Variants in PDE1C observed in about 807,000 individuals in gnomAD.
PDE1C encodes the protein phosphodiesterase 1C, also known as dual specificity calcium/calmodulin-dependent 3',5'-cyclic nucleotide phosphodiesterase 1C.
A neutral mutation model predicts 93.1 loss-of-function variants in PDE1C; 62 were observed. The observed-to-expected ratio is 0.67, with a 90% CI of 0.54 to 0.82. The LOEUF (loss-of-function observed/expected upper bound fraction) is 0.82, where lower values mean the gene tolerates loss of function less well. Ranked by LOEUF, PDE1C falls within the 40% of genes least tolerant of loss-of-function variation. The probability of loss-of-function intolerance (pLI) is 0.00; values close to 1 mark genes in which losing one functional copy is unlikely to be tolerated. For missense variants in PDE1C, 742 were observed against 884.6 expected, an observed-to-expected ratio of 0.84 and a Z score of 2.04; for synonymous variants, 325 against 310.1, an observed-to-expected ratio of 1.05 and a Z score of -0.50.
intron 2 of PDE1C, among the ~76,000 whole-genome samples, chr7:32,204,371 C>G (rs1228733880): frequency 2.6e-5 from 4 of 152,196 alleles, no homozygotes; most frequent in African/African-American, 9.7e-5. Context: ...TTCTTGTCCA[C>G]GATTGCTCAT....
Position 31,816,160 on chromosome 7 carries a change from T to C in PDE1C, c.1583-6A>G, listed in dbSNP as rs762287994. 2.0e-5 allele frequency: 32 copies of C among 1,610,970 alleles called. No individual in the cohort carries two copies. The South Asian group carries it at 2.5e-4, about 13-fold the overall frequency. ...TTCCTTCTTGGCCTTCTCCTCTGCA[T>C]CCATGGCAAGTTGGGAAAGCCACAG... On this transcript the variant is annotated splice_region_variant and splice_polypyrimidine_tract_variant and intron_variant, in intron 14 of 17. Coordinates refer to ENST00000396191, the MANE Select transcript of PDE1C (RefSeq NM_001191057.4).
At chr7:31,862,826 A>G (rs532907258) in intron 7 of PDE1C, among the ~76,000 whole-genome samples, 1 of 152,316 alleles carries the variant, frequency 6.6e-6, no homozygotes, top group African/African-American at 2.4e-5. Flanking sequence ...TTGAAACTCT[A>G]ATCAATTCTA....
chr7:31,971,551 G>A lies in PDE1C; in HGVS notation c.128+80003C>T, dbSNP rs749948237. ...AACAGATGACAGCCCTCACTATTAC[G>A]GCCTACACTGATTCTTCAGTCTGCA... On this transcript the variant is annotated intron_variant, in intron 2 of 17. Coordinates refer to ENST00000396191, the MANE Select transcript of PDE1C (RefSeq NM_001191057.4). Among the ~76,000 whole-genome samples the A allele has an allele frequency of 1.6e-4, 25 of 151,892 alleles. 1 individual carries two copies. Among genetic ancestry groups the A allele is most frequent in the Non-Finnish European group, 1.9e-4 (13 of 67,972 alleles).
chr7:31,919,785 G>C (rs1334740043), intron 2 of PDE1C, among the ~76,000 whole-genome samples: 1 of 152,198 alleles, frequency 6.6e-6, no homozygotes, highest in Non-Finnish European at 1.5e-5. Context: ...CCACCTGTTA[G>C]AGGCTGGCCC....
At chr7:31,625,784 A>T in the PDE1C span, among the ~76,000 whole-genome samples, 1 of 152,008 alleles carries the variant, frequency 6.6e-6, no homozygotes, top group East Asian at 1.9e-4. Context: ...AAAAAAAAAC[A>T]GTTAAAGAAT....
At chr7:32,188,114 G>A (rs1282730437) in intron 2 of PDE1C, among the ~76,000 whole-genome samples, 1 of 151,928 alleles carries the variant, frequency 6.6e-6, no homozygotes, top group Non-Finnish European at 1.5e-5. Flanking sequence ...GCATGCTGTA[G>A]AAGAGAATTA....
chr7:32,059,216 T>C (rs780522812), intron 1 of PDE1C, among the ~76,000 whole-genome samples: 1 of 152,172 alleles, frequency 6.6e-6, no homozygotes, highest in Non-Finnish European at 1.5e-5. Context: ...AGGAAGCCTT[T>C]GACAGTGTGG....
At position 31,873,406 on chromosome 7, in the gene PDE1C, A is replaced by T. The variant is rs1312289796; in HGVS notation, c.495T>A (p.Asp165Glu). 2 of 1,591,408 alleles carry T rather than the reference A, an allele frequency of 1.3e-6. No individual in the cohort carries two copies. The highest frequency in any genetic ancestry group is 1.7e-6 in the Non-Finnish European group (2 of 1,159,604). Residue 165 changes from aspartate (D) to glutamate (E), a missense_variant and splice_region_variant, in exon 6 of 18, where the codon GAT becomes GAA. Physicochemically the swap from Asp to Glu is conservative, Grantham distance 45. This residue lies in a region of PDE1C where 205 missense variants were observed against 295.3 expected (regional missense o/e 0.69). Transcript: ENST00000396191. ...YPPAVIEALKDVDKWSFDVFS... is the reference protein window; with the variant it reads ...YPPAVIEALKEVDKWSFDVFS... ...AGACGTCAAAGGACCACTTGTCCAC[A>T]TCCTGCAGGACAGGGTGGGGAGAAA...
At chr7:31,888,666 A>G (rs1190258208) in intron 2 of PDE1C, among the ~76,000 whole-genome samples, 3 of 152,168 alleles carry the variant, frequency 2.0e-5, no homozygotes, top group African/African-American at 7.2e-5. Flanking sequence ...TGACATAAGA[A>G]AAAGGTAAAC....
chr7:32,166,252 G>A (rs145065253), intron 3 of PDE1C, among the ~76,000 whole-genome samples: 250 of 152,186 alleles, frequency 1.6e-3, no homozygotes, highest in Middle Eastern at 3.4e-3. Flanking sequence ...GTAATTCGCC[G>A]GGGGCAATAG....
chr7:32,102,226 T>C (rs1298519303), intron 3 of PDE1C, among the ~76,000 whole-genome samples: 2 of 152,182 alleles, frequency 1.3e-5, no homozygotes, highest in Non-Finnish European at 2.9e-5. Context: ...GTCTTGTTTG[T>C]TCCCTCAAAC....
At chr7:32,038,334 C>G (rs1391234187) in intron 2 of PDE1C, among the ~76,000 whole-genome samples, 1 of 152,038 alleles carries the variant, frequency 6.6e-6, no homozygotes, top group Non-Finnish European at 1.5e-5. Context: ...ATCTCCCGCA[C>G]AAGCAGAATA....
chr7:31,993,819 T>C (rs930596487), intron 2 of PDE1C, among the ~76,000 whole-genome samples: 1 of 152,138 alleles, frequency 6.6e-6, no homozygotes, highest in African/African-American at 2.4e-5. Flanking sequence ...TCCTCATCAG[T>C]AAAAAGAAAA....
chr7:31,936,547 A>G (rs368073050), intron 2 of PDE1C, among the ~76,000 whole-genome samples: 2 of 152,218 alleles, frequency 1.3e-5, no homozygotes, highest in South Asian at 4.1e-4. Context: ...AGCATCCCCC[A>G]CTAAGGACAT....
At chr7:31,732,174 A>C in the PDE1C span, among the ~76,000 whole-genome samples, 1 of 152,240 alleles carries the variant, frequency 6.6e-6, no homozygotes, top group East Asian at 1.9e-4. Context: ...CCTTCTTCCA[A>C]TCTTTTCTGC....
chr7:31,636,835 A>G, the PDE1C span, among the ~76,000 whole-genome samples: 2 of 149,928 alleles, frequency 1.3e-5, no homozygotes, highest in African/African-American at 4.9e-5. Flanking sequence ...CCATTAACTC[A>G]TCATTCAGCA....
rs753036070 is a variant in PDE1C, at chr7:31,753,440, G to A, written c.2074C>T (p.Gln692Ter). Residue 692 changes from glutamine to a stop codon, truncating the protein, a stop_gained, in exon 18 of 18, where the codon CAG becomes TAG. Transcript: ENST00000396191. LOFTEE classifies it high-confidence loss of function. Reference protein sequence around the residue: ...EHPARYKMLDQRIKMKKIQNI... With the variant: ...EHPARYKMLD ...TGAATCTTTTTCATTTTGATCCTCTGATCCAGCATCTTGTACCTTGCAGGA... is the reference window on the plus strand; with the variant it reads ...TGAATCTTTTTCATTTTGATCCTCTAATCCAGCATCTTGTACCTTGCAGGA... The A allele has an allele frequency of 2.5e-6, 4 of 1,612,434 alleles. No individual in the cohort carries two copies. The South Asian group carries it at 3.3e-5, about 13-fold the overall frequency.
intron 2 of PDE1C, among the ~76,000 whole-genome samples, chr7:32,050,234 C>G (rs1424324768): frequency 6.6e-6 from 1 of 152,200 alleles, no homozygotes; most frequent in Non-Finnish European, 1.5e-5. Context: ...GAGGTCTACA[C>G]CTCTAGATAA....
intron 1 of PDE1C, among the ~76,000 whole-genome samples, chr7:32,224,037 T>C (rs1341503188): frequency 1.3e-5 from 2 of 152,138 alleles, no homozygotes; most frequent in Non-Finnish European, 2.9e-5. Flanking sequence ...CTCTGCAGGC[T>C]CCTATCCCTT....
Sources: allele counts gnomAD v4.1 joint callset (sites outside exome capture counted in the v4.1 genomes callset), GRCh38; gene constraint gnomAD v4.1.1; regional missense constraint gnomAD v4.1.1; transcripts MANE v1.5; gene names NCBI Gene and HGNC (gene_info 2026-07-23, HGNC 2026-07-21).